Variants in NBAS observed in about 807,000 individuals in gnomAD.
The protein encoded by NBAS is NAG/BC035112 fusion.
NBAS carries 219 observed loss-of-function variants against 302.5 expected under a neutral mutation model. That is an observed-to-expected ratio of 0.72 (90% CI 0.65 to 0.81). The LOEUF is 0.81. Ranked by LOEUF, NBAS falls within the 30% of genes least tolerant of loss-of-function variation. The probability of loss-of-function intolerance (pLI) is 0.00; values close to 1 mark genes in which losing one functional copy is unlikely to be tolerated. For synonymous variants in NBAS, 1,118 were observed against 1,021.6 expected (o/e 1.09, Z -1.80); for missense variants, 2,932 against 2,841.6 (o/e 1.03, Z -0.72).
chr2:14,968,544 C>A, the NBAS span, among the ~76,000 whole-genome samples: 1 of 152,142 alleles, frequency 6.6e-6, no homozygotes, highest in Non-Finnish European at 1.5e-5. Flanking sequence ...TTCAAGAAAT[C>A]CTCCTGCCCC....
the NBAS span, among the ~76,000 whole-genome samples, chr2:15,127,916 G>C: frequency 6.6e-6 from 1 of 152,150 alleles, no homozygotes; most frequent in Non-Finnish European, 1.5e-5. Flanking sequence ...ACTCGATGAG[G>C]TATTTCTTGG....
chr2:14,991,523 A>G, the NBAS span, among the ~76,000 whole-genome samples: 20,689 of 152,220 alleles, frequency 0.14, 1,706 homozygotes, highest in African/African-American at 0.22. Context: ...CTGCAGCACC[A>G]TGGTTCTCAA....
intron 49 of NBAS, among the ~76,000 whole-genome samples, chr2:15,188,931 C>G (rs1454327543): frequency 6.6e-6 from 1 of 152,150 alleles, no homozygotes; most frequent in Non-Finnish European, 1.5e-5. Flanking sequence ...GATCAGTGGG[C>G]TCCACACCTG....
At chr2:15,472,078 A>G (rs1240267520) in intron 16 of NBAS, among the ~76,000 whole-genome samples, 1 of 152,156 alleles carries the variant, frequency 6.6e-6, no homozygotes, top group Non-Finnish European at 1.5e-5. Context: ...CAGTTTTCAT[A>G]TATGTTACCT....
At chr2:14,963,398 C>T in the NBAS span, among the ~76,000 whole-genome samples, 1 of 152,362 alleles carries the variant, frequency 6.6e-6, no homozygotes, top group East Asian at 1.9e-4. Flanking sequence ...CACAGACCAT[C>T]TGGCACATGC....
the NBAS span, among the ~76,000 whole-genome samples, chr2:14,808,912 T>C: frequency 6.6e-6 from 1 of 152,214 alleles, no homozygotes; most frequent in Admixed American, 6.5e-5. Context: ...AGCAACTTCT[T>C]GGGACCTGGA....
At chr2:15,107,957 G>C in the NBAS span, among the ~76,000 whole-genome samples, 1 of 151,936 alleles carries the variant, frequency 6.6e-6, no homozygotes, top group Non-Finnish European at 1.5e-5. Flanking sequence ...TTTTGTGTCT[G>C]GCTTCTTTCC....
the NBAS span, among the ~76,000 whole-genome samples, chr2:14,868,601 T>C: frequency 6.6e-6 from 1 of 152,184 alleles, no homozygotes; most frequent in Non-Finnish European, 1.5e-5. Flanking sequence ...TTTCTTAGTA[T>C]GTTGCAGCCC....
the NBAS span, among the ~76,000 whole-genome samples, chr2:15,155,341 CT>C: frequency 6.6e-6 from 1 of 152,136 alleles, no homozygotes; most frequent in Non-Finnish European, 1.5e-5. Flanking sequence ...ACAAGAGCTT[CT>C]TCTTATTTTT....
chr2:15,246,972 T>C (rs1668120327), intron 44 of NBAS, among the ~76,000 whole-genome samples: 5 of 152,182 alleles, frequency 3.3e-5, no homozygotes, highest in Admixed American at 1.3e-4. Context: ...CTCTGCAGAC[T>C]GGAAGTGATG....
At chr2:15,063,996 A>C in the NBAS span, among the ~76,000 whole-genome samples, 3 of 152,182 alleles carry the variant, frequency 2.0e-5, no homozygotes, top group Non-Finnish European at 4.4e-5. Context: ...AAGCTGGGAC[A>C]CAGAAGAAAG....
chr2:15,279,536 A>C (rs1290323961), intron 42 of NBAS, among the ~76,000 whole-genome samples: 1 of 152,224 alleles, frequency 6.6e-6, no homozygotes, highest in Non-Finnish European at 1.5e-5. Flanking sequence ...ACTCATCTAC[A>C]AAATGGACAA....
intron 16 of NBAS, 70 bp downstream of exon 16, chr2:15,473,152 T>C: frequency 1.3e-6 from 2 of 1,543,246 alleles, no homozygotes; most frequent in East Asian, 2.3e-5. Flanking sequence ...TACTCTAAAA[T>C]GAAGCCCTAT....
chr2:15,328,758 G>A (rs1019319798), intron 36 of NBAS, among the ~76,000 whole-genome samples: 1 of 152,162 alleles, frequency 6.6e-6, no homozygotes, highest in Non-Finnish European at 1.5e-5. Flanking sequence ...AAACTATGTG[G>A]AACATCATTT....
At chr2:15,555,134 G>A (rs1199304135) in intron 3 of NBAS, among the ~76,000 whole-genome samples, 2 of 151,776 alleles carry the variant, frequency 1.3e-5, no homozygotes, top group Admixed American at 6.6e-5. Context: ...GCCTATAGTC[G>A]CAGCTACACG....
At chr2:15,403,148 T>C (rs1676234839) in intron 25 of NBAS, among the ~76,000 whole-genome samples, 1 of 152,166 alleles carries the variant, frequency 6.6e-6, no homozygotes. Context: ...ATTTCCATGA[T>C]AATAGTCTAC....
At chr2:15,528,266 C>T (rs1298556014) in intron 9 of NBAS, among the ~76,000 whole-genome samples, 1 of 151,924 alleles carries the variant, frequency 6.6e-6, no homozygotes, top group Non-Finnish European at 1.5e-5. Context: ...CAAGTAGTAG[C>T]TCCTTTATCT....
In NBAS at chr2:15,402,187, G is replaced by C. The variant is rs772692298; in HGVS notation, c.3052C>G (p.Leu1018Val). 3.1e-6 allele frequency: 5 copies of C among 1,613,580 alleles called. No homozygotes were observed. Among genetic ancestry groups the C allele is most frequent in the Non-Finnish European group, 8.5e-7 (1 of 1,179,648 alleles). The change falls in exon 26 of 52, where the codon CTG becomes GTG. Residue 1018 changes from leucine (L) to valine (V), a missense_variant. Leu to Val is a conservative substitution (Grantham distance 32). Coordinates refer to ENST00000281513, the MANE Select transcript of NBAS (RefSeq NM_015909.4). ...LCLCYDLLEC[L>V]PERGYGDKTE... ...TCTTACCCATATCCTCTTTCTGGCA[G>C]ACATTCTAGTAGGTCATAGCAAAGA... is the stretch of plus-strand genomic sequence containing the variant.
intron 40 of NBAS, among the ~76,000 whole-genome samples, chr2:15,300,826 C>T (rs750538132): frequency 1.3e-5 from 2 of 152,132 alleles, no homozygotes; most frequent in African/African-American, 2.4e-5. Context: ...TCAGAGGAGG[C>T]GCCTCTGAGC....
Sources: gnomAD v4.1 joint callset for allele counts (sites outside exome capture counted in the v4.1 genomes callset) on GRCh38, gnomAD v4.1.1 for gene constraint, MANE v1.5 for transcripts, NCBI Gene and HGNC (gene_info 2026-07-23, HGNC 2026-07-21) for gene names.